The following RGS9 variants were observed in gnomAD, a reference collection of about 807,000 sequenced individuals.
The protein encoded by RGS9 is regulator of G protein signaling 9, also known as regulator of G-protein signalling 9.
Under a neutral mutation model 102.0 loss-of-function variants are expected in RGS9, and 78 were observed. The observed-to-expected ratio is 0.76, with a 90% confidence interval of 0.64 to 0.92. RGS9 has a LOEUF of 0.92. Ranked by LOEUF, RGS9 falls within the 40% of genes least tolerant of loss-of-function variation. RGS9 has a pLI of 0.00. For synonymous variants in RGS9, 353 were observed against 318.6 expected (o/e 1.11, Z -1.15); for missense variants, 833 against 866.1 (o/e 0.96, Z 0.48).
intron 6 of RGS9, among the ~76,000 whole-genome samples, chr17:65,162,544 G>A (rs1203561650): frequency 1.3e-5 from 2 of 151,966 alleles, no homozygotes; most frequent in Non-Finnish European, 2.9e-5. Flanking sequence ...CTCACTGCAA[G>A]CTCTGCCTCC....
chr17:65,207,710 A>G (rs1245727696), intron 15 of RGS9, among the ~76,000 whole-genome samples: 1 of 152,148 alleles, frequency 6.6e-6, no homozygotes, highest in Non-Finnish European at 1.5e-5. Flanking sequence ...GGCAGGCCTG[A>G]GAAGTTCCCA....
intron 18 of RGS9, among the ~76,000 whole-genome samples, chr17:65,226,747 A>G (rs4791214): frequency 0.41 from 62,099 of 151,766 alleles, 18,589 homozygotes; most frequent in African/African-American, 0.84. Flanking sequence ...CAGGTAGCTG[A>G]AATCACAGGC....
chr17:65,207,122 G>C (rs997920220), intron 15 of RGS9, among the ~76,000 whole-genome samples: 1 of 152,146 alleles, frequency 6.6e-6, no homozygotes, highest in Non-Finnish European at 1.5e-5. Context: ...GACTCTACGC[G>C]TTGGTTGTTT....
At chr17:65,225,745 C>T (rs1299507536) in intron 18 of RGS9, among the ~76,000 whole-genome samples, 1 of 152,188 alleles carries the variant, frequency 6.6e-6, no homozygotes, top group Non-Finnish European at 1.5e-5. Flanking sequence ...CTCTTTTCCC[C>T]TTATATGTTC....
At chr17:65,201,100 T>TACACAC (rs113665578) in intron 13 of RGS9, among the ~76,000 whole-genome samples, 9,496 of 148,636 alleles carry the variant, frequency 0.064, 717 homozygotes, top group East Asian at 0.25. Flanking sequence ...CTCCACGATT[T>TACACAC]ACACACACAC....
chr17:65,159,044 A>G (rs150728085), intron 3 of RGS9, among the ~76,000 whole-genome samples: 2,819 of 152,238 alleles, frequency 0.019, 92 homozygotes, highest in African/African-American at 0.065. Context: ...ATTCCACCAC[A>G]AAAGAAGTGA....
Position 65,146,544 on chromosome 17 carries a change from G to A in RGS9, c.58-6878G>A, listed in dbSNP as rs1032359956. ...CGGAGGTTGCAATGAGCCAAGATCC[G>A]CCACTGCACTCCAGCTTGGCGACAG... On this transcript the variant is annotated intron_variant, in intron 1 of 18. Coordinates refer to ENST00000262406, the MANE Select transcript of RGS9 (RefSeq NM_003835.4). Among the ~76,000 whole-genome samples, 5 of 142,420 alleles carry A rather than the reference G, an allele frequency of 3.5e-5. No homozygotes were observed. The South Asian group carries it at 8.9e-4, about 25-fold the overall frequency. 93.4% of individuals were successfully genotyped at this position (142,420 alleles called of 152,430 possible).
At chr17:65,155,422 A>C (rs921789750) in intron 2 of RGS9, among the ~76,000 whole-genome samples, 1 of 152,252 alleles carries the variant, frequency 6.6e-6, no homozygotes, top group Non-Finnish European at 1.5e-5. Context: ...TATTGAATGC[A>C]TGAGTCACTT....
rs750001133 is a variant in RGS9, at chr17:65,225,303, C to T, written c.1709C>T (p.Pro570Leu). The change falls in exon 18 of 19, where the codon CCC (proline) becomes CTC (leucine). Residue 570 changes from proline (P) to leucine (L), a missense_variant. This residue lies in a region of RGS9 where 320 missense variants were observed against 276.8 expected (regional missense o/e 1.16). Coordinates refer to ENST00000262406, the MANE Select transcript of RGS9 (RefSeq NM_003835.4). ...SLDTSWPRSR[P>L]RAPPKARMAL... ...GACACCTCCTGGCCTCGCAGCCGGC[C>T]CAGGGCCCCTCCTAAGGCCCGCATG... 1.2e-6 allele frequency: 2 copies of T among 1,609,832 alleles called. No individual in the cohort carries two copies. The highest frequency in any genetic ancestry group is 2.2e-5 in the South Asian group (2 of 91,080).
In RGS9 at chr17:65,202,211, A is replaced by G. The variant is rs1598611961; in HGVS notation, c.1064+131A>G. 7.2e-6 allele frequency: 5 copies of G among 692,172 alleles called. No homozygotes were observed. The East Asian group carries it at 8.4e-5, about 12-fold the overall frequency. 42.9% of individuals were successfully genotyped at this position (692,172 alleles called of 1,614,324 possible). A position where few individuals can be genotyped will look rare whatever the true frequency, so the allele number is the denominator to read the frequency against. On this transcript the variant is annotated intron_variant, in intron 14 of 18. Transcript: ENST00000262406. ...GCTGGGCCCTGGTCAGCATCAGTTC[A>G]CTGTACTTGCCATGCTAGAAATAGT... is the stretch of plus-strand genomic sequence containing the variant.
chr17:65,207,000 G>T (rs1461547466), intron 15 of RGS9, among the ~76,000 whole-genome samples: 5 of 152,168 alleles, frequency 3.3e-5, no homozygotes. Flanking sequence ...TGTTGCAGTG[G>T]CCTTTGTCCC....
At chr17:65,152,511 A>C (rs1567861326) in intron 1 of RGS9, among the ~76,000 whole-genome samples, 1 of 152,200 alleles carries the variant, frequency 6.6e-6, no homozygotes, top group African/African-American at 2.4e-5. Flanking sequence ...GGGAGTGTTA[A>C]GGGTTGAAAC....
rs1462182934 is a variant in RGS9, at chr17:65,163,048, T to C, written c.459T>C (p.Tyr153=). ...NYNFLNQKMN[Y]KWDFVIMQAK... ...ATTTCTTGAACCAAAAAATGAACTA[T>C]AAGTGGGACTTTGTCATTATGCAGG... The change falls in exon 7 of 19, where the codon TAT becomes TAC. Residue 153 remains tyrosine (Y), a synonymous_variant. Transcript: ENST00000262406. 6.2e-7 allele frequency: 1 copy of C among 1,604,636 alleles called. No homozygotes were observed. Among genetic ancestry groups the C allele is most frequent in the South Asian group, 1.1e-5 (1 of 90,778 alleles).
chr17:65,140,479 C>G (rs1910115190), intron 1 of RGS9, among the ~76,000 whole-genome samples: 1 of 152,108 alleles, frequency 6.6e-6, no homozygotes, highest in Non-Finnish European at 1.5e-5. Flanking sequence ...GTAGTGGGTG[C>G]CTATGGGCCT....
intron 9 of RGS9, among the ~76,000 whole-genome samples, chr17:65,184,377 A>AATCCT (rs1344497206): frequency 7.9e-5 from 12 of 152,292 alleles, no homozygotes; most frequent in South Asian, 6.2e-4. Flanking sequence ...ATTGCCTGTG[A>AATCCT]ATCCTGCATT....
chr17:65,225,505 C>T lies in RGS9; in HGVS notation c.1892+19C>T, dbSNP rs561091655. 4.5e-5 allele frequency: 72 copies of T among 1,599,738 alleles called. No individual in the cohort carries two copies. Among genetic ancestry groups the T allele is most frequent in the East Asian group, 4.5e-4 (20 of 44,878 alleles). On this transcript the variant is annotated intron_variant, in intron 18 of 18. Transcript: ENST00000262406. ...TAGCAAAGTAAGAACCCGAAGGGGA[C>T]GTGCCGTATGCATGGGTGGCTGTGG...
chr17:65,149,136 T>TG (rs1262228160), intron 1 of RGS9, among the ~76,000 whole-genome samples: 1 of 146,454 alleles, frequency 6.8e-6, no homozygotes, highest in Non-Finnish European at 1.5e-5. Flanking sequence ...TAGTTTTTTT[T>TG]TTGTTGTTGT....
At chr17:65,150,578 T>C (rs57310609) in intron 1 of RGS9, among the ~76,000 whole-genome samples, 12,047 of 152,088 alleles carry the variant, frequency 0.079, 1,511 homozygotes, top group African/African-American at 0.27. Flanking sequence ...GCTGAGATCA[T>C]GCCACTGCAC....
intron 1 of RGS9, among the ~76,000 whole-genome samples, chr17:65,146,583 CAAA>C (rs545458134): frequency 1.8e-5 from 2 of 110,412 alleles, no homozygotes. Flanking sequence ...AAGACTGTCT[CAAA>C]AAAAAAAAAA....
Sources: gnomAD v4.1 joint callset for allele counts (sites outside exome capture counted in the v4.1 genomes callset) on GRCh38, gnomAD v4.1.1 for gene constraint, gnomAD v4.1.1 regional missense constraint, MANE v1.5 for transcripts, NCBI Gene and HGNC (gene_info 2026-07-23, HGNC 2026-07-21) for gene names.